Variants in ANKRD24 observed in about 807,000 individuals in gnomAD.
The protein encoded by ANKRD24 is ankyrin repeat domain-containing protein 24.
Under a neutral mutation model 127.8 loss-of-function variants are expected in ANKRD24, and 109 were observed. The ratio of observed to expected loss-of-function variants is 0.85; its 90% CI spans 0.73 to 1.00. The LOEUF is 1.00. ANKRD24 is among the 50% of genes least tolerant of loss of function. ANKRD24 has a pLI of 0.00. For synonymous variants in ANKRD24, 743 were observed against 671.1 expected (o/e 1.11, Z -1.66); for missense variants, 1,648 against 1,570.2 (o/e 1.05, Z -0.84).
At chr19:4,205,963 A>C (rs891110414) in intron 7 of ANKRD24, among the ~76,000 whole-genome samples, 2 of 150,742 alleles carry the variant, frequency 1.3e-5, no homozygotes, top group African/African-American at 4.9e-5. Context: ...TAACACGGTG[A>C]AACCCCGTCT....
chr19:4,211,679 A>G (rs984307733), intron 13 of ANKRD24, among the ~76,000 whole-genome samples: 8 of 151,902 alleles, frequency 5.3e-5, no homozygotes, highest in African/African-American at 1.9e-4. Context: ...AACAAAAACA[A>G]TCTTGTTGAG....
In ANKRD24 at chr19:4,216,049, A is replaced by T; in HGVS notation, c.1269A>T (p.Pro423=). 1 of 1,594,890 alleles carries T rather than the reference A, an allele frequency of 6.3e-7. No homozygotes were observed. The highest frequency in any genetic ancestry group is 8.5e-7 in the Non-Finnish European group (1 of 1,171,426). Residue 423 remains proline, a splice_region_variant and synonymous_variant, in exon 16 of 22, where the codon CCA becomes CCT. Transcript: ENST00000318934. ...AGGAGGGTGAGCTGCCTGACCTTCC[A>T]GGTGAGCCCCCACCTCCCCACGCAC... ...QDEEGELPDL[P]GAEVLLSRQL... is the part of the protein sequence containing the mutation.
chr19:4,192,802 G>A (rs1968458505), intron 2 of ANKRD24, among the ~76,000 whole-genome samples: 1 of 151,634 alleles, frequency 6.6e-6, no homozygotes, highest in Non-Finnish European at 1.5e-5. Context: ...GTATGGTGGT[G>A]TGTGCCTGTG....
chr19:4,196,462 G>A (rs1182750239), intron 2 of ANKRD24, among the ~76,000 whole-genome samples: 1 of 152,082 alleles, frequency 6.6e-6, no homozygotes, highest in African/African-American at 2.4e-5. Context: ...TGCAACCTCT[G>A]CCTCCAGGGT....
Position 4,195,123 on chromosome 19 carries a change from A to G in ANKRD24, c.37-4560A>G, listed in dbSNP as rs1001305069. ...AGTCTCACTCTGTCACCCAGGTTGG[A>G]GTGCAGTGGCACGACTTCTGCTCAC... On this transcript the variant is annotated intron_variant, in intron 2 of 21. Transcript: ENST00000318934. The surrounding 1 kb of genome is among the most constrained non-coding windows in gnomAD (Gnocchi z 4.2). Among the ~76,000 whole-genome samples the G allele has an allele frequency of 5.3e-5, 8 of 151,484 alleles. No individual in the cohort carries two copies. The highest frequency in any genetic ancestry group is 1.2e-4 in the African/African-American group (5 of 41,202).
intron 2 of ANKRD24, among the ~76,000 whole-genome samples, chr19:4,189,243 C>CTTTTTTTTTTTTTTTTTTTTTTTTTTT (rs398033749): frequency 4.3e-4 from 32 of 73,930 alleles, no homozygotes; most frequent in African/African-American, 4.8e-4. Flanking sequence ...TTTCTTTCTT[C>CTTTTTTTTTTTTTTTTTTTTTTTTTTT]TTTTTTTTTT....
intron 19 of ANKRD24, among the ~76,000 whole-genome samples, chr19:4,221,479 C>T (rs1177443854): frequency 1.3e-5 from 2 of 152,092 alleles, no homozygotes; most frequent in Non-Finnish European, 2.9e-5. Context: ...ATCTGTCTGC[C>T]TCAGCCTCCC....
At chr19:4,186,180 T>C (rs749211607) in intron 1 of ANKRD24, 5 of 1,166,986 alleles carry the variant, frequency 4.3e-6, no homozygotes, top group South Asian at 3.4e-5. Context: ...TTTCTGTCAC[T>C]GTATAGATGA....
At position 4,208,278 on chromosome 19, in the gene ANKRD24, C is replaced by T. The variant is rs779701058; in HGVS notation, c.832+310C>T. ...CAGCACTTTGGGAGGCCGAGGTGGG[C>T]GAATCACTTGAGGTCAGGGGTTCAA... On this transcript the variant is annotated intron_variant, in intron 10 of 21. Coordinates refer to ENST00000318934, the MANE Select transcript of ANKRD24 (RefSeq NM_001393985.1). Among the ~76,000 whole-genome samples the T allele has an allele frequency of 3.3e-5, 5 of 151,988 alleles. No individual in the cohort carries two copies. In the South Asian group the frequency reaches 6.2e-4, roughly 19 times the overall value.
chr19:4,184,085 C>G (rs754324781), intron 1 of ANKRD24, among the ~76,000 whole-genome samples: 12 of 152,142 alleles, frequency 7.9e-5, no homozygotes, highest in Admixed American at 6.5e-5. Context: ...TAGGGAAGAT[C>G]GTGGGTGTCT....
At chr19:4,223,803 A>G (rs948172339) in intron 20 of ANKRD24, among the ~76,000 whole-genome samples, 4 of 151,718 alleles carry the variant, frequency 2.6e-5, no homozygotes, top group African/African-American at 7.3e-5. Flanking sequence ...TGACCCTGTT[A>G]TCCGCCCGCC....
chr19:4,216,572 A>G lies in ANKRD24; in HGVS notation c.1412A>G (p.Asp471Gly). The G allele has an allele frequency of 6.2e-7, 1 of 1,610,856 alleles. No individual in the cohort carries two copies. The highest frequency in any genetic ancestry group is 8.5e-7 in the Non-Finnish European group (1 of 1,178,414). ...KVQILENFEK[D>G]ETQMEVEALA... ...CAGATCCTGGAGAACTTTGAGAAGG[A>G]CGAGACACAGATGGAAGTGGAAGCT... The change falls in exon 18 of 22, where the codon GAC becomes GGC. Residue 471 changes from aspartate to glycine, a missense_variant. Physicochemically the swap from Asp to Gly is moderately conservative, Grantham distance 94. Coordinates refer to ENST00000318934, the MANE Select transcript of ANKRD24 (RefSeq NM_001393985.1).
In ANKRD24 at chr19:4,219,676, T is replaced by C; in HGVS notation, c.3089T>C (p.Leu1030Pro). Residue 1030 changes from leucine to proline, a missense_variant, in exon 19 of 22, where the codon CTA becomes CCA. Coordinates refer to ENST00000318934, the MANE Select transcript of ANKRD24 (RefSeq NM_001393985.1). ...LATAEQQLRG[L>P]RTEAERARQA... Reference sequence around the variant, plus strand: ...ACAGCAGAGCAGCAGCTACGGGGGCTACGGACCGAGGCGGAAAGGGCTCGC... The same window carrying C: ...ACAGCAGAGCAGCAGCTACGGGGGCCACGGACCGAGGCGGAAAGGGCTCGC... The C allele has an allele frequency of 6.2e-7, 1 of 1,613,698 alleles. No homozygotes were observed. The highest frequency in any genetic ancestry group is 8.5e-7 in the Non-Finnish European group (1 of 1,179,784).
intron 7 of ANKRD24, among the ~76,000 whole-genome samples, chr19:4,203,149 G>A (rs141414718): frequency 8.8e-4 from 133 of 151,784 alleles, no homozygotes; most frequent in African/African-American, 3.1e-3. Flanking sequence ...CCAGGTTCAA[G>A]CAATTTTCCT....
chr19:4,190,955 C>T (rs352501), intron 2 of ANKRD24, among the ~76,000 whole-genome samples: 3 of 152,068 alleles, frequency 2.0e-5, no homozygotes, highest in African/African-American at 7.2e-5. Context: ...AAAGAGATAC[C>T]TCATTCGGGA....
At position 4,216,552 on chromosome 19, in the gene ANKRD24, C is replaced by T. The variant is rs2145387558; in HGVS notation, c.1392C>T (p.Ile464=). Residue 464 remains isoleucine (I), a splice_region_variant and synonymous_variant, in exon 18 of 22, where the codon ATC becomes ATT. Transcript: ENST00000318934. The part of the protein sequence containing the change: ...QNQELMEKVQ[I]LENFEKDETQ... ...CTGCCCCCCACTCCACTCCCCAGAT[C>T]CTGGAGAACTTTGAGAAGGACGAGA... 5 of 1,605,582 alleles carry T rather than the reference C, an allele frequency of 3.1e-6. No homozygotes were observed. The highest frequency in any genetic ancestry group is 4.3e-6 in the Non-Finnish European group (5 of 1,175,470).
In ANKRD24 at chr19:4,198,013, G is replaced by C. The variant is rs1268177886; in HGVS notation, c.37-1670G>C. 4.9e-6 allele frequency: 2 copies of C among 407,540 alleles called. No homozygotes were observed. The highest frequency in any genetic ancestry group is 8.7e-6 in the Non-Finnish European group (2 of 230,512). 25.2% of individuals were successfully genotyped at this position (407,540 alleles called of 1,614,324 possible). Reference sequence around the variant, plus strand: ...AATGAATGAGTGAATGAATGAAAGTGTGAGTGGCGAGAGCCCTGCCGGCCG... The same window carrying C: ...AATGAATGAGTGAATGAATGAAAGTCTGAGTGGCGAGAGCCCTGCCGGCCG... On this transcript the variant is annotated intron_variant, in intron 2 of 21. Transcript: ENST00000318934. The surrounding 1 kb of genome is among the most constrained non-coding windows in gnomAD (Gnocchi z 6.1).
chr19:4,208,445 G>C (rs191894852), intron 10 of ANKRD24, among the ~76,000 whole-genome samples: 129 of 152,202 alleles, frequency 8.5e-4, no homozygotes, highest in African/African-American at 3.0e-3. Context: ...CTCACGCCTG[G>C]CTAATTTTTG....
At chr19:4,197,669 ATGAATGGGTGAGCCCG>A (rs1311145757) in intron 2 of ANKRD24, among the ~76,000 whole-genome samples, 1 of 152,242 alleles carries the variant, frequency 6.6e-6, no homozygotes, top group Non-Finnish European at 1.5e-5. Flanking sequence ...GAATGAATGA[ATGAATGGGTGAGCCCG>A]TGAATGGGTG....
Sources: gnomAD v4.1 joint callset for allele counts (sites outside exome capture counted in the v4.1 genomes callset) on GRCh38, gnomAD v4.1.1 for gene constraint, Gnocchi (gnomAD v3.1) non-coding constraint, MANE v1.5 for transcripts, NCBI Gene and HGNC (gene_info 2026-07-23, HGNC 2026-07-21) for gene names.